DAPK1: variants seen among roughly 807,000 people sequenced by gnomAD.
DAPK1 encodes death-associated protein kinase 1.
A neutral mutation model predicts 144.9 loss-of-function variants in DAPK1; 56 were observed. The ratio of observed to expected loss-of-function variants is 0.39; its 90% CI spans 0.31 to 0.48. The LOEUF is 0.48. Among genes scored for constraint, DAPK1 ranks in the 20% least tolerant of loss-of-function variants. DAPK1 has a pLI of 0.95. For synonymous variants in DAPK1, 690 were observed against 749.0 expected (o/e 0.92, Z 1.29); for missense variants, 1,454 against 1,875.4 (o/e 0.78, Z 4.15).
rs1411762310 is a variant in DAPK1 at position 87,600,005 on chromosome 9, A to G, written c.63-4949A>G. ...AACACACATAGTCTCTCCCTGAGTCATATCACAGCTTTGTTGTGCTTAGAA... is the reference window on the plus strand; with the variant it reads ...AACACACATAGTCTCTCCCTGAGTCGTATCACAGCTTTGTTGTGCTTAGAA... On this transcript the variant is annotated intron_variant, in intron 2 of 25. Transcript: ENST00000408954. 2.0e-5 allele frequency among the ~76,000 whole-genome samples: 3 copies of G among 152,216 alleles called. No individual in the cohort carries two copies. In the East Asian group the frequency reaches 5.8e-4, roughly 29 times the overall value.
chr9:87,604,838 A>C, intron 2 of DAPK1, 116 bp from the exon 3 acceptor site: 1 of 875,278 alleles, frequency 1.1e-6, no homozygotes. Flanking sequence ...GTTACTTTCC[A>C]CAATTGGAAC....
chr9:87,658,149 T>G (rs1450492723), intron 18 of DAPK1, 22 bp downstream of exon 18: 8 of 992,856 alleles, frequency 8.1e-6, no homozygotes, highest in Non-Finnish European at 1.3e-5. Flanking sequence ...CAGGGCTTCG[T>G]GAAGGAGGGA....
At chr9:87,687,758 A>G (rs1447861535) in intron 21 of DAPK1, among the ~76,000 whole-genome samples, 1 of 152,130 alleles carries the variant, frequency 6.6e-6, no homozygotes, top group Non-Finnish European at 1.5e-5. Flanking sequence ...TATTTCTACC[A>G]ACAGTATATA....
At chr9:87,625,411 G>A (rs142130862) in intron 3 of DAPK1, among the ~76,000 whole-genome samples, 377 of 152,334 alleles carry the variant, frequency 2.5e-3, no homozygotes, top group African/African-American at 8.2e-3. Context: ...TGGTATAAAT[G>A]CTACCACATG....
In DAPK1 at chr9:87,683,360, C is replaced by T. The variant is rs549132310; in HGVS notation, c.2224+1734C>T. ...CCTCCCAAAGTGCTGGGATTACAGG[C>T]GTGAGCCACCGCACCTGGCCTCCAG... On this transcript the variant is annotated intron_variant, in intron 20 of 25. Transcript: ENST00000408954. Among the ~76,000 whole-genome samples the T allele has an allele frequency of 2.0e-5, 3 of 152,238 alleles. No individual in the cohort carries two copies. The South Asian group carries it at 6.2e-4, about 32-fold the overall frequency.
intron 19 of DAPK1, among the ~76,000 whole-genome samples, chr9:87,670,560 C>T (rs957489498): frequency 1.3e-5 from 2 of 152,150 alleles, no homozygotes; most frequent in African/African-American, 4.8e-5. Context: ...GCTCAGGTTT[C>T]CACACAGAGA....
chr9:87,613,659 A>C (rs1207276884), intron 3 of DAPK1, among the ~76,000 whole-genome samples: 1 of 152,248 alleles, frequency 6.6e-6, no homozygotes, highest in African/African-American at 2.4e-5. Flanking sequence ...TGCAGTGATT[A>C]AAGTGATAGT....
At chr9:87,639,579 G>A in intron 5 of DAPK1, 71 bp from the exon 6 acceptor site, 1 of 1,610,578 alleles carries the variant, frequency 6.2e-7, no homozygotes, top group Non-Finnish European at 8.5e-7. Context: ...ACATGTTCCT[G>A]GTTGTTGCAT....
chr9:87,601,740 CTTA>C (rs1828526026), intron 2 of DAPK1, among the ~76,000 whole-genome samples: 4 of 152,176 alleles, frequency 2.6e-5, no homozygotes, highest in Admixed American at 2.0e-4. Flanking sequence ...AAGACAGGCA[CTTA>C]TTATGCCCAC....
chr9:87,681,607 C>T lies in DAPK1; in HGVS notation c.2205C>T (p.Pro735=). 6.3e-7 allele frequency: 1 copy of T among 1,597,902 alleles called. No individual in the cohort carries two copies. The change falls in exon 20 of 26, where the codon CCC becomes CCT. Residue 735 remains proline (P), a synonymous_variant. Transcript: ENST00000408954. Reference sequence around the variant, plus strand: ...ACTCCAGCAGGTTCCCACCTTCACCCCTGGCTTCTAAGCCCACAGGTAGGA... The same window carrying T: ...ACTCCAGCAGGTTCCCACCTTCACCTCTGGCTTCTAAGCCCACAGGTAGGA... The part of the protein sequence containing the change: ...STNSSRFPPS[P]LASKPTVSVS...
rs778946867 is a variant in DAPK1, at chr9:87,706,620, G to A, written c.3549G>A (p.Leu1183=). ...GCKLANRGAE[L]LVLLVNHGQG... The stretch of plus-strand genomic sequence containing the variant: ...AGCTGGCCAACCGTGGGGCCGAGCT[G>A]CTGGTGCTGCTGGTCAACCACGGCC... Residue 1183 remains leucine, a synonymous_variant, in exon 26 of 26, where the codon CTG becomes CTA. Coordinates refer to ENST00000408954, the MANE Select transcript of DAPK1 (RefSeq NM_004938.4). This position sits in a 1 kb window ranked among gnomAD's most constrained non-coding sequence, Gnocchi z 9.0. 15 of 1,613,050 alleles carry A rather than the reference G, an allele frequency of 9.3e-6. No individual in the cohort carries two copies. The highest frequency in any genetic ancestry group is 1.3e-5 in the Non-Finnish European group (15 of 1,179,852).
chr9:87,520,568 C>T lies in DAPK1; in HGVS notation c.62+21429C>T, dbSNP rs577486059. Among the ~76,000 whole-genome samples, 19 of 152,302 alleles carry T rather than the reference C, an allele frequency of 1.2e-4. No homozygotes were observed. In the South Asian group the frequency reaches 3.7e-3, roughly 30 times the overall value. ...TTGTTTGAAGCAGGTGTTTAAAAAT[C>T]CGCCACTTTGGGGGGATGAATTAGG... On this transcript the variant is annotated intron_variant, in intron 2 of 25. Transcript: ENST00000408954.
chr9:87,578,579 T>G (rs1280801009), intron 2 of DAPK1, among the ~76,000 whole-genome samples: 1 of 152,236 alleles, frequency 6.6e-6, no homozygotes, highest in Non-Finnish European at 1.5e-5. Context: ...CCAGAAGGGT[T>G]GTGTTGTCTT....
In DAPK1 at chr9:87,605,018, T is replaced by C. The variant is rs1828662109; in HGVS notation, c.127T>C (p.Phe43Leu). 1.2e-6 allele frequency: 2 copies of C among 1,614,160 alleles called. No individual in the cohort carries two copies. Among genetic ancestry groups the C allele is most frequent in the East Asian group, 4.5e-5 (2 of 44,878 alleles). ...KSTGLQYAAK[F>L]IKKRRTKSSR... is the part of the protein sequence containing the mutation. ...CACCGGCCTCCAGTATGCCGCCAAA[T>C]TCATCAAGAAAAGGAGGACTAAGTC... The change falls in exon 3 of 26, where the codon TTC becomes CTC. Residue 43 changes from phenylalanine to leucine, a missense_variant. Phe to Leu is a conservative substitution (Grantham distance 22, BLOSUM62 0). This residue lies in a region of DAPK1 where 429 missense variants were observed against 637.5 expected (regional missense o/e 0.67). Coordinates refer to ENST00000408954, the MANE Select transcript of DAPK1 (RefSeq NM_004938.4).
chr9:87,574,450 T>C (rs1013402436), intron 2 of DAPK1, among the ~76,000 whole-genome samples: 6 of 152,246 alleles, frequency 3.9e-5, no homozygotes, highest in African/African-American at 1.4e-4. Flanking sequence ...CCAGCCATTT[T>C]ATATATATCA....
At chr9:87,646,145 A>T in intron 12 of DAPK1, 131 bp downstream of exon 12, 1 of 1,129,920 alleles carries the variant, frequency 8.9e-7, no homozygotes, top group Non-Finnish European at 1.2e-6. Flanking sequence ...GGGGAAAATC[A>T]CTTCTGTTTA....
At chr9:87,544,533 T>C (rs766431059) in intron 2 of DAPK1, among the ~76,000 whole-genome samples, 46 of 152,224 alleles carry the variant, frequency 3.0e-4, no homozygotes, top group Non-Finnish European at 6.2e-4. Context: ...TAAATATGCA[T>C]ATAAGTATAC....
intron 3 of DAPK1, among the ~76,000 whole-genome samples, chr9:87,608,242 A>G (rs1828803691): frequency 1.3e-5 from 2 of 152,228 alleles, no homozygotes; most frequent in South Asian, 4.1e-4. Context: ...TGTCCAGTGA[A>G]TAGAATCATA....
At position 87,579,155 on chromosome 9, in the gene DAPK1, AT is replaced by A. The variant is rs369053850; in HGVS notation, c.63-25796del. Among the ~76,000 whole-genome samples the A allele has an allele frequency of 8.3e-4, 127 of 152,164 alleles. 1 individual carries two copies. Among genetic ancestry groups the A allele is most frequent in the African/African-American group, 2.8e-3 (117 of 41,528 alleles). On this transcript the variant is annotated intron_variant, in intron 2 of 25. Transcript: ENST00000408954. ...GCACCCCCTCCCCACTGATGCACAC[AT>A]TTCCCCACCTGCTTCACACACACTC...
Sources: gnomAD v4.1 joint callset for allele counts (sites outside exome capture counted in the v4.1 genomes callset) on GRCh38, gnomAD v4.1.1 for gene constraint, gnomAD v4.1.1 regional missense constraint, Gnocchi (gnomAD v3.1) non-coding constraint, MANE v1.5 for transcripts, NCBI Gene and HGNC (gene_info 2026-07-23, HGNC 2026-07-21) for gene names.